The following ASAP2 variants were observed in gnomAD, a reference collection of about 807,000 sequenced individuals.
ASAP2 encodes arf-GAP with SH3 domain, ANK repeat and PH domain-containing protein 2.
ASAP2 carries 45 observed loss-of-function variants against 131.4 expected under a neutral mutation model. The ratio of observed to expected loss-of-function variants is 0.34; its 90% confidence interval spans 0.27 to 0.44. The LOEUF is 0.44. Ranked by LOEUF, ASAP2 falls within the 20% of genes least tolerant of loss-of-function variation. ASAP2 has a pLI of 1.00. For missense variants in ASAP2, 1,011 were observed against 1,297.0 expected, an observed-to-expected ratio of 0.78 and a Z score of 3.39; for synonymous variants, 510 against 503.0, an observed-to-expected ratio of 1.01 and a Z score of -0.19.
rs1402887924 is a variant in ASAP2 at position 9,232,598 on chromosome 2, C to T, written c.126+25368C>T. On this transcript the variant is annotated intron_variant, in intron 1 of 27. Coordinates refer to ENST00000281419, the MANE Select transcript of ASAP2 (RefSeq NM_003887.3). This position sits in a 1 kb window ranked among gnomAD's most constrained non-coding sequence, Gnocchi z 4.1. ...CTTCTCCCCATTAGATCATAAGCTT[C>T]CTGGGGGCAGGGATTTTTGACTCTT... is the stretch of plus-strand genomic sequence containing the variant. 1.3e-5 allele frequency among the ~76,000 whole-genome samples: 2 copies of T among 152,240 alleles called. No homozygotes were observed. Among genetic ancestry groups the T allele is most frequent in the Admixed American group, 1.3e-4 (2 of 15,276 alleles).
At chr2:9,388,636 G>A in intron 22 of ASAP2, 90 bp downstream of exon 22, 1 of 1,512,960 alleles carries the variant, frequency 6.6e-7, no homozygotes, top group Non-Finnish European at 8.8e-7. Context: ...CCAACTCAGT[G>A]ACCTTTGGGC....
intron 1 of ASAP2, among the ~76,000 whole-genome samples, chr2:9,254,776 G>GA (rs1244586385): frequency 2.0e-5 from 3 of 151,936 alleles, no homozygotes; most frequent in Non-Finnish European, 4.4e-5. Context: ...GGGAGTCTTG[G>GA]AATGTATTCC....
At chr2:9,401,229 T>C (rs768378195) in intron 26 of ASAP2, 45 bp from the exon 27 acceptor site, 1 of 1,608,974 alleles carries the variant, frequency 6.2e-7, no homozygotes, top group Non-Finnish European at 8.5e-7. Flanking sequence ...CCCTGAGAGC[T>C]GAGGCCTGCA....
rs1027578975 is a variant in ASAP2, at chr2:9,404,622, A to T, written c.*1295A>T. The T allele has an allele frequency of 6.6e-6, 1 of 152,626 alleles. No individual in the cohort carries two copies. The highest frequency in any genetic ancestry group is 2.4e-5 in the African/African-American group (1 of 41,462). 9.5% of individuals were successfully genotyped at this position (152,626 alleles called of 1,614,324 possible). ...CCACTTGGACTTTTAACAAAAGTAA[A>T]GGAATAAATTTGCATATAGGCTTGG... is the stretch of plus-strand genomic sequence containing the variant. On this transcript the variant is annotated 3_prime_UTR_variant, in exon 28 of 28. Transcript: ENST00000281419.
intron 18 of ASAP2, among the ~76,000 whole-genome samples, chr2:9,378,720 G>A (rs1164594351): frequency 6.6e-6 from 1 of 152,180 alleles, no homozygotes; most frequent in Non-Finnish European, 1.5e-5. Context: ...GACCTCTTCT[G>A]CCATCATCGT....
intron 3 of ASAP2, among the ~76,000 whole-genome samples, chr2:9,317,950 CCTCA>C (rs779778166): frequency 2.3e-4 from 35 of 152,200 alleles, no homozygotes; most frequent in African/African-American, 3.9e-4. Flanking sequence ...CCCACAACAC[CCTCA>C]CTCAGTCGTA....
At chr2:9,365,646 C>A (rs569815525) in intron 15 of ASAP2, among the ~76,000 whole-genome samples, 1 of 152,170 alleles carries the variant, frequency 6.6e-6, no homozygotes, top group Non-Finnish European at 1.5e-5. Context: ...CACACACAGA[C>A]GACTCCCCCG....
At chr2:9,307,546 C>G (rs1669025045) in intron 3 of ASAP2, among the ~76,000 whole-genome samples, 1 of 152,228 alleles carries the variant, frequency 6.6e-6, no homozygotes, top group Non-Finnish European at 1.5e-5. Flanking sequence ...CTCCGGCTCC[C>G]AGAACCGGCC....
At chr2:9,373,041 C>T (rs1457879724) in intron 16 of ASAP2, among the ~76,000 whole-genome samples, 1 of 152,080 alleles carries the variant, frequency 6.6e-6, no homozygotes, top group South Asian at 2.1e-4. Flanking sequence ...GTTGAGGGAA[C>T]CCACTGAGAC....
intron 1 of ASAP2, among the ~76,000 whole-genome samples, chr2:9,228,628 A>G (rs1395322937): frequency 5.3e-5 from 8 of 152,184 alleles, no homozygotes; most frequent in Non-Finnish European, 8.8e-5. Flanking sequence ...ATACAAATGA[A>G]TGGTCTCTTT....
Position 9,400,785 on chromosome 2 carries a change from T to A in ASAP2, c.2778T>A (p.Ala926=). ...ATEALGPLSN[A]MVLQPPAPMP... ...AAGCTCTGGGTCCTCTGTCCAATGCTATGGTCCTGCAGCCCCCTGCACCCA... is the reference window on the plus strand; with the variant it reads ...AAGCTCTGGGTCCTCTGTCCAATGCAATGGTCCTGCAGCCCCCTGCACCCA... The change falls in exon 26 of 28, where the codon GCT becomes GCA. Residue 926 remains alanine (A), a synonymous_variant. Coordinates refer to ENST00000281419, the MANE Select transcript of ASAP2 (RefSeq NM_003887.3). 6.2e-7 allele frequency: 1 copy of A among 1,613,736 alleles called. No homozygotes were observed. The highest frequency in any genetic ancestry group is 8.5e-7 in the Non-Finnish European group (1 of 1,179,974).
At chr2:9,361,766 C>T (rs1673096006) in intron 15 of ASAP2, among the ~76,000 whole-genome samples, 1 of 152,094 alleles carries the variant, frequency 6.6e-6, no homozygotes, top group East Asian at 1.9e-4. Flanking sequence ...TGGTCTTTCG[C>T]CATGTCCAGG....
intron 1 of ASAP2, among the ~76,000 whole-genome samples, chr2:9,278,883 T>G (rs1361199661): frequency 6.6e-6 from 1 of 152,144 alleles, no homozygotes; most frequent in Non-Finnish European, 1.5e-5. Flanking sequence ...TGCCTCCACC[T>G]TGTTAGGGCT....
At chr2:9,223,355 C>T (rs1039314931) in intron 1 of ASAP2, among the ~76,000 whole-genome samples, 11 of 152,102 alleles carry the variant, frequency 7.2e-5, no homozygotes, top group Admixed American at 7.2e-4. Context: ...GTTTTATTTG[C>T]TCTTTTAATT....
intron 2 of ASAP2, among the ~76,000 whole-genome samples, chr2:9,289,072 C>T (rs550117778): frequency 7.2e-5 from 11 of 152,252 alleles, no homozygotes; most frequent in South Asian, 6.2e-4. Flanking sequence ...GGATTGTTTT[C>T]GCATGTTTAT....
intron 3 of ASAP2, among the ~76,000 whole-genome samples, chr2:9,305,913 G>A (rs1173622107): frequency 1.3e-5 from 2 of 150,782 alleles, no homozygotes; most frequent in East Asian, 2.0e-4. Context: ...GAGTAGTGGG[G>A]TATAGATATT....
chr2:9,324,558 G>A (rs1272539805), intron 6 of ASAP2, among the ~76,000 whole-genome samples: 5 of 152,068 alleles, frequency 3.3e-5, no homozygotes, highest in African/African-American at 1.2e-4. Flanking sequence ...ACATGGTGGG[G>A]GCCTCACAAG....
At chr2:9,271,447 T>G in intron 1 of ASAP2, 2 of 1,403,310 alleles carry the variant, frequency 1.4e-6, no homozygotes, top group Non-Finnish European at 2.0e-6. Context: ...CTTAAACGCC[T>G]TCACTGGTTT....
intron 2 of ASAP2, among the ~76,000 whole-genome samples, chr2:9,284,172 T>A (rs1200028802): frequency 6.6e-6 from 1 of 152,242 alleles, no homozygotes; most frequent in Non-Finnish European, 1.5e-5. Context: ...ACTCACAAGT[T>A]CCAGGGATTA....
Sources: gnomAD v4.1 joint callset for allele counts (sites outside exome capture counted in the v4.1 genomes callset) on GRCh38, gnomAD v4.1.1 for gene constraint, Gnocchi (gnomAD v3.1) non-coding constraint, MANE v1.5 for transcripts, NCBI Gene and HGNC (gene_info 2026-07-23, HGNC 2026-07-21) for gene names.